PRDM6: variants seen among roughly 807,000 people sequenced by gnomAD.
PRDM6 encodes the protein PR/SET domain 6.
PRDM6 carries 25 observed loss-of-function variants against 60.8 expected under a neutral mutation model. The ratio of observed to expected loss-of-function variants is 0.41; its 90% CI spans 0.30 to 0.57. The LOEUF (loss-of-function observed/expected upper bound fraction) is 0.57, where lower values mean the gene tolerates loss of function less well. PRDM6 is among the 20% of genes least tolerant of loss of function. The probability of loss-of-function intolerance (pLI) is 0.27; values close to 1 mark genes in which losing one functional copy is unlikely to be tolerated. For synonymous variants in PRDM6, 407 were observed against 357.4 expected, an observed-to-expected ratio of 1.14 and a Z score of -1.57; for missense variants, 839 against 821.3, an observed-to-expected ratio of 1.02 and a Z score of -0.26.
intron 3 of PRDM6, among the ~76,000 whole-genome samples, chr5:123,125,634 G>A (rs1343393439): frequency 6.6e-6 from 1 of 152,204 alleles, no homozygotes; most frequent in African/African-American, 2.4e-5. Flanking sequence ...TTGGCTGGGG[G>A]AAATTGGAAT....
chr5:123,149,909 A>G (rs572009048), intron 3 of PRDM6, among the ~76,000 whole-genome samples: 1 of 152,308 alleles, frequency 6.6e-6, no homozygotes, highest in African/African-American at 2.4e-5. Flanking sequence ...AAATTACAAA[A>G]TGATTAAAAT....
chr5:123,113,510 A>ATG lies in PRDM6; in HGVS notation c.900+13551_900+13552dup, dbSNP rs573588683. On this transcript the variant is annotated intron_variant, in intron 3 of 7. Coordinates refer to ENST00000407847, the MANE Select transcript of PRDM6 (RefSeq NM_001136239.4). ...TTTTTCAGATGAAGAGCCTTGTTAG[A>ATG]TGTAGGCACTGAGAGCCTTTTTTAG... Among the ~76,000 whole-genome samples the ATG allele has an allele frequency of 3.3e-4, 51 of 152,340 alleles. No individual in the cohort carries two copies. In the South Asian group the frequency reaches 8.1e-3, roughly 24 times the overall value.
chr5:123,119,460 C>G (rs1488150319), intron 3 of PRDM6, among the ~76,000 whole-genome samples: 1 of 152,168 alleles, frequency 6.6e-6, no homozygotes, highest in East Asian at 1.9e-4. Context: ...ACAGTCCTGC[C>G]ACCTTCAGGG....
intron 3 of PRDM6, among the ~76,000 whole-genome samples, chr5:123,118,790 C>T (rs1303619766): frequency 6.6e-6 from 1 of 152,168 alleles, no homozygotes; most frequent in African/African-American, 2.4e-5. Context: ...TCTAAGGCAG[C>T]AATTTTCTGC....
intron 5 of PRDM6, among the ~76,000 whole-genome samples, chr5:123,163,134 C>T (rs1027072842): frequency 7.2e-5 from 11 of 152,128 alleles, no homozygotes; most frequent in Admixed American, 5.2e-4. Flanking sequence ...TAGGGCTCTG[C>T]GCACAGTGAA....
chr5:123,089,661 G>A (rs894869466), intron 1 of PRDM6, 142 bp downstream of exon 1: 3 of 247,368 alleles, frequency 1.2e-5, no homozygotes, highest in African/African-American at 2.3e-5. Context: ...GCGCCACGCC[G>A]GCTCGGGTCG....
intron 3 of PRDM6, among the ~76,000 whole-genome samples, chr5:123,101,662 A>T (rs373967089): frequency 3.3e-5 from 5 of 152,194 alleles, no homozygotes; most frequent in African/African-American, 1.2e-4. Context: ...TTTGATGCCT[A>T]TCTATTTTTA....
At chr5:123,137,885 G>T (rs1051256014) in intron 3 of PRDM6, among the ~76,000 whole-genome samples, 61 of 152,268 alleles carry the variant, frequency 4.0e-4, no homozygotes, top group African/African-American at 1.5e-3. Context: ...TATTGCTTAT[G>T]ATGAGGCTAA....
In PRDM6 at chr5:123,186,120, G is replaced by A. The variant is rs79805086; in HGVS notation, c.1674-967G>A. 1.9e-4 allele frequency among the ~76,000 whole-genome samples: 29 copies of A among 152,352 alleles called. No individual in the cohort carries two copies. In the East Asian group the frequency reaches 4.8e-3, roughly 25 times the overall value. ...AGCCCAGGTAAGTAAGGTGGTGATG[G>A]AGAAGTCGCTGTCTGTGCCCAGCCA... On this transcript the variant is annotated intron_variant, in intron 7 of 7. Transcript: ENST00000407847.
chr5:123,113,951 G>A (rs954689544), intron 3 of PRDM6, among the ~76,000 whole-genome samples: 2 of 152,190 alleles, frequency 1.3e-5, no homozygotes, highest in Admixed American at 6.5e-5. Context: ...CATGCATGAG[G>A]CATTGTACAG....
Position 123,187,340 on chromosome 5 carries a change from G to A in PRDM6, c.*139G>A. The A allele has an allele frequency of 5.1e-6, 3 of 588,700 alleles. No individual in the cohort carries two copies. Among genetic ancestry groups the A allele is most frequent in the South Asian group, 1.9e-5 (1 of 51,846 alleles). 36.5% of individuals were successfully genotyped at this position (588,700 alleles called of 1,614,324 possible). A position where few individuals can be genotyped will look rare whatever the true frequency, so the allele number is the denominator to read the frequency against. On this transcript the variant is annotated 3_prime_UTR_variant, in exon 8 of 8. Coordinates refer to ENST00000407847, the MANE Select transcript of PRDM6 (RefSeq NM_001136239.4). ...AAAGCAGTAATAAAATAAGTAAGAT[G>A]TTAAGAGATATTGATCCTGGCATGG...
intron 3 of PRDM6, among the ~76,000 whole-genome samples, chr5:123,135,239 C>T (rs1372014119): frequency 2.6e-5 from 4 of 152,144 alleles, no homozygotes; most frequent in Non-Finnish European, 5.9e-5. Context: ...AATGAAGCTA[C>T]CTTTGCCTGT....
intron 3 of PRDM6, among the ~76,000 whole-genome samples, chr5:123,101,227 C>A (rs1037107788): frequency 6.6e-6 from 1 of 152,144 alleles, no homozygotes; most frequent in African/African-American, 2.4e-5. Flanking sequence ...GAAAAACAGA[C>A]CTGGTATCCG....
At chr5:123,114,349 C>T (rs1764383630) in intron 3 of PRDM6, among the ~76,000 whole-genome samples, 1 of 152,152 alleles carries the variant, frequency 6.6e-6, no homozygotes, top group Non-Finnish European at 1.5e-5. Flanking sequence ...ATTTATTTAC[C>T]CACAAGACTC....
At chr5:123,172,820 A>T (rs1377011515) in intron 6 of PRDM6, among the ~76,000 whole-genome samples, 1 of 152,236 alleles carries the variant, frequency 6.6e-6, no homozygotes, top group African/African-American at 2.4e-5. Flanking sequence ...TGAATGCCAT[A>T]TAAAGCAATG....
intron 5 of PRDM6, among the ~76,000 whole-genome samples, chr5:123,162,963 A>G (rs193110805): frequency 6.6e-6 from 1 of 152,346 alleles, no homozygotes; most frequent in East Asian, 1.9e-4. Context: ...AATTTAACAG[A>G]TAGCCTTCCA....
chr5:123,129,312 G>A (rs1428007717), intron 3 of PRDM6, among the ~76,000 whole-genome samples: 1 of 152,172 alleles, frequency 6.6e-6, no homozygotes, highest in Non-Finnish European at 1.5e-5. Flanking sequence ...GTCATTGGTA[G>A]CCTGATGGGG....
At chr5:123,183,465 A>T (rs907145240) in intron 7 of PRDM6, among the ~76,000 whole-genome samples, 3 of 152,220 alleles carry the variant, frequency 2.0e-5, no homozygotes, top group Non-Finnish European at 4.4e-5. Context: ...CAGAGTTTCA[A>T]TCCAGGCTTT....
Position 123,190,554 on chromosome 5 carries a change from T to G in PRDM6, c.*3353T>G. The G allele has an allele frequency of 6.6e-6, 1 of 152,210 alleles. No homozygotes were observed. The highest frequency in any genetic ancestry group is 6.5e-5 in the Admixed American group (1 of 15,276). 9.4% of individuals were successfully genotyped at this position (152,210 alleles called of 1,614,324 possible). A position where few individuals can be genotyped will look rare whatever the true frequency, so the allele number is the denominator to read the frequency against. ...GTTGGTACATTTTTTATTGTGTTCA[T>G]TTAAATGTAGCCTTCTTGGGAAACT... On this transcript the variant is annotated 3_prime_UTR_variant, in exon 8 of 8. Coordinates refer to ENST00000407847, the MANE Select transcript of PRDM6 (RefSeq NM_001136239.4).
Sources: gnomAD v4.1 joint callset for allele counts (sites outside exome capture counted in the v4.1 genomes callset) on GRCh38, gnomAD v4.1.1 for gene constraint, MANE v1.5 for transcripts, NCBI Gene and HGNC (gene_info 2026-07-23, HGNC 2026-07-21) for gene names.